Variants in SULT1C4 observed in about 807,000 individuals in gnomAD.
The protein encoded by SULT1C4 is sulfotransferase family 1C member 4.
A neutral mutation model predicts 34.8 loss-of-function variants in SULT1C4; 32 were observed. The ratio of observed to expected loss-of-function variants is 0.92; its 90% CI spans 0.69 to 1.23. The LOEUF (loss-of-function observed/expected upper bound fraction) is 1.23, where lower values mean the gene tolerates loss of function less well. Ranked by LOEUF, SULT1C4 falls within the 50% of genes most tolerant of loss-of-function variation. SULT1C4 has a pLI of 0.00. For missense variants in SULT1C4, 375 were observed against 365.9 expected, an observed-to-expected ratio of 1.02 and a Z score of -0.20; for synonymous variants, 111 against 120.5, an observed-to-expected ratio of 0.92 and a Z score of 0.51.
intron 3 of SULT1C4, 112 bp from the exon 4 acceptor site, chr2:108,382,981 G>A (rs1573295998): frequency 4.9e-6 from 5 of 1,013,322 alleles, no homozygotes; most frequent in Non-Finnish European, 5.2e-6. Context: ...AAAATGAACT[G>A]TATGAAATGT....
intron 6 of SULT1C4, among the ~76,000 whole-genome samples, chr2:108,387,038 G>C (rs1320680633): frequency 6.6e-6 from 1 of 152,182 alleles, no homozygotes; most frequent in African/African-American, 2.4e-5. Flanking sequence ...ACAGGGCACA[G>C]GGAAAGACAA....
In SULT1C4 at chr2:108,378,349, C is replaced by G. The variant is rs144464562; in HGVS notation, c.12C>G (p.His4Gln). Reference protein sequence around the residue: MALHDMEDFTFDGT... With the variant: MALQDMEDFTFDGT... ...GATTTCTTACACTAATGGCCTTACA[C>G]GACATGGAGGATTTTACATTTGATG... The change falls in exon 1 of 7, where the codon CAC (histidine) becomes CAG (glutamine). Residue 4 changes from histidine (H) to glutamine (Q), a missense_variant. By Grantham distance (24) the His-to-Gln change is conservative (BLOSUM62 0). Transcript: ENST00000272452. The G allele has an allele frequency of 6.2e-7, 1 of 1,613,564 alleles. No homozygotes were observed. The highest frequency in any genetic ancestry group is 1.1e-5 in the South Asian group (1 of 90,984).
chr2:108,383,656 AC>A (rs1273874751), intron 5 of SULT1C4, 146 bp downstream of exon 5: 3 of 647,096 alleles, frequency 4.6e-6, no homozygotes, highest in Middle Eastern at 3.6e-4. Flanking sequence ...GTCAAAGTGC[AC>A]ATGGCTGATC....
At chr2:108,379,107 G>A (rs1678322522) in intron 1 of SULT1C4, among the ~76,000 whole-genome samples, 1 of 152,036 alleles carries the variant, frequency 6.6e-6, no homozygotes, top group Non-Finnish European at 1.5e-5. Context: ...ATGATGAGGT[G>A]GAAATAGTTC....
intron 1 of SULT1C4, among the ~76,000 whole-genome samples, chr2:108,379,533 C>A (rs899092631): frequency 6.6e-6 from 1 of 152,148 alleles, no homozygotes; most frequent in Non-Finnish European, 1.5e-5. Context: ...CAATTCAATA[C>A]ATAAATAATC....
intron 2 of SULT1C4, 44 bp from the exon 3 acceptor site, chr2:108,382,341 A>T (rs1460018652): frequency 5.4e-6 from 8 of 1,488,784 alleles, no homozygotes; most frequent in Non-Finnish European, 7.5e-6. Context: ...AAGCAAATAG[A>T]TAAAAAAAAA....
chr2:108,382,054 A>T, intron 2 of SULT1C4, 167 bp downstream of exon 2: 1 of 734,282 alleles, frequency 1.4e-6, no homozygotes, highest in Non-Finnish European at 2.0e-6. Flanking sequence ...ACATTTTCTA[A>T]TGGAATTACT....
intron 5 of SULT1C4, among the ~76,000 whole-genome samples, chr2:108,385,732 G>A (rs959704659): frequency 1.3e-4 from 20 of 151,878 alleles, no homozygotes; most frequent in Admixed American, 5.9e-4. Flanking sequence ...TGCCTCTTGA[G>A]GCATGCAAAA....
At chr2:108,387,032 G>C (rs1205081280) in intron 6 of SULT1C4, among the ~76,000 whole-genome samples, 1 of 152,130 alleles carries the variant, frequency 6.6e-6, no homozygotes, top group Non-Finnish European at 1.5e-5. Context: ...TGTGCAACAG[G>C]GCACAGGGAA....
At position 108,388,220 on chromosome 2, in the gene SULT1C4, A is replaced by G. The variant is rs527506961; in HGVS notation, c.*788A>G. ...AGGTTCCTCTTGGAACCCTCCAAGA[A>G]AAACTTCAGGGTCCTAGTGTAATAC... On this transcript the variant is annotated 3_prime_UTR_variant, in exon 7 of 7. Transcript: ENST00000272452. Among the ~76,000 whole-genome samples, 5 of 152,272 alleles carry G rather than the reference A, an allele frequency of 3.3e-5. No homozygotes were observed. In the South Asian group the frequency reaches 1.0e-3, roughly 32 times the overall value.
rs755745872 is a variant in SULT1C4, at chr2:108,383,101, T to C, written c.402T>C (p.Tyr134=). The part of the protein sequence containing the change: ...SLLEKNCKII[Y]VARNPKDNMV... ...CCCCTCATCATTCCCAGATAATCTA[T>C]GTAGCAAGAAATCCCAAGGACAACA... is the stretch of plus-strand genomic sequence containing the variant. The change falls in exon 4 of 7, where the codon TAT becomes TAC. Residue 134 remains tyrosine (Y), a synonymous_variant. Transcript: ENST00000272452. 3 of 1,593,188 alleles carry C rather than the reference T, an allele frequency of 1.9e-6. No homozygotes were observed. The highest frequency in any genetic ancestry group is 1.4e-5 in the African/African-American group (1 of 73,876).
chr2:108,380,846 A>G (rs1043907093), intron 1 of SULT1C4, among the ~76,000 whole-genome samples: 2 of 152,198 alleles, frequency 1.3e-5, no homozygotes, highest in African/African-American at 4.8e-5. Context: ...ACTGCCTTCC[A>G]AAACTCAGGC....
At chr2:108,384,545 TAAG>T (rs1442222602) in intron 5 of SULT1C4, among the ~76,000 whole-genome samples, 1 of 152,212 alleles carries the variant, frequency 6.6e-6, no homozygotes, top group Non-Finnish European at 1.5e-5. Flanking sequence ...TAAGAAACTT[TAAG>T]AAGTGGTGCA....
At chr2:108,378,562 A>G in intron 1 of SULT1C4, 56 bp downstream of exon 1, 1 of 1,569,504 alleles carries the variant, frequency 6.4e-7, no homozygotes, top group Non-Finnish European at 8.7e-7. Flanking sequence ...AGGTAAGTGG[A>G]AGTATGCATT....
chr2:108,382,566 AATAT>A, intron 3 of SULT1C4, 84 bp downstream of exon 3: 15 of 915,616 alleles, frequency 1.6e-5, no homozygotes, highest in South Asian at 4.1e-5. Context: ...TCACTTGTTA[AATAT>A]ATATATATAT....
Position 108,387,407 on chromosome 2 carries a change from G to A in SULT1C4, c.884G>A (p.Arg295Lys). 1 of 1,612,982 alleles carries A rather than the reference G, an allele frequency of 6.2e-7. No individual in the cohort carries two copies. Among genetic ancestry groups the A allele is most frequent in the Non-Finnish European group, 8.5e-7 (1 of 1,179,378 alleles). The change falls in exon 7 of 7, where the codon AGA (arginine) becomes AAA (lysine). Residue 295 changes from arginine to lysine, a missense_variant. Physicochemically the swap from Arg to Lys is conservative, Grantham distance 26. Transcript: ENST00000272452. Reference protein sequence around the residue: ...EDYKKKMTDTRLTFHFQF With the variant: ...EDYKKKMTDTKLTFHFQF ...TACAAGAAGAAAATGACTGATACCAGACTAACTTTCCACTTCCAGTTCTAG... is the reference window on the plus strand; with the variant it reads ...TACAAGAAGAAAATGACTGATACCAAACTAACTTTCCACTTCCAGTTCTAG...
Position 108,380,806 on chromosome 2 carries a change from C to T in SULT1C4, c.170-956C>T, listed in dbSNP as rs4149433. 0.069 allele frequency among the ~76,000 whole-genome samples: 10,439 copies of T among 152,246 alleles called. 2,710 individuals are homozygous for T. In the East Asian group the frequency reaches 0.85, roughly 12 times the overall value. On this transcript the variant is annotated intron_variant, in intron 1 of 6. Coordinates refer to ENST00000272452, the MANE Select transcript of SULT1C4 (RefSeq NM_006588.4). ...TGCTGGGGCTACTATCAGCAGCCAC[C>T]ACCTCAGGAAGGATGACTTCTATCT...
intron 3 of SULT1C4, 58 bp from the exon 4 acceptor site, chr2:108,383,035 A>G (rs1678455978): frequency 1.3e-6 from 2 of 1,513,978 alleles, no homozygotes; most frequent in East Asian, 2.3e-5. Flanking sequence ...AGCAAAAAAA[A>G]AAAAAAAAAA....
chr2:108,380,257 T>C (rs1433494311), intron 1 of SULT1C4, among the ~76,000 whole-genome samples: 1 of 152,152 alleles, frequency 6.6e-6, no homozygotes, highest in Non-Finnish European at 1.5e-5. Flanking sequence ...CTCACACCTG[T>C]AATCCCATCA....
Sources: allele counts gnomAD v4.1 joint callset (sites outside exome capture counted in the v4.1 genomes callset), GRCh38; gene constraint gnomAD v4.1.1; transcripts MANE v1.5; gene names NCBI Gene and HGNC (gene_info 2026-07-23, HGNC 2026-07-21).